RPH3A: variants seen among roughly 807,000 people sequenced by gnomAD.
The protein encoded by RPH3A is rabphilin 3A.
RPH3A carries 48 observed loss-of-function variants against 102.2 expected under a neutral mutation model. The ratio of observed to expected loss-of-function variants is 0.47; its 90% CI spans 0.37 to 0.60. RPH3A has a LOEUF of 0.60. RPH3A is among the 20% of genes least tolerant of loss of function. The pLI is 0.00. For synonymous variants in RPH3A, 310 were observed against 324.3 expected (o/e 0.96, Z 0.47); for missense variants, 781 against 910.1 (o/e 0.86, Z 1.83).
chr12:112,714,834 A>C (rs1243248915), intron 1 of RPH3A, among the ~76,000 whole-genome samples: 1 of 152,222 alleles, frequency 6.6e-6, no homozygotes, highest in Admixed American at 6.5e-5. Flanking sequence ...AATGGAATGC[A>C]TGCTGCATAT....
At chr12:112,788,890 G>A (rs2041068558), upstream of RPH3A, among the ~76,000 whole-genome samples, 1 of 152,162 alleles carries the variant, frequency 6.6e-6, no homozygotes, top group African/African-American at 2.4e-5. Flanking sequence ...CAGGTGTGGT[G>A]GCTCACACCT....
intron 1 of RPH3A, among the ~76,000 whole-genome samples, chr12:112,652,130 A>G (rs542633476): frequency 1.6e-4 from 25 of 152,150 alleles, no homozygotes; most frequent in Non-Finnish European, 2.8e-4. Context: ...TGGAATTACT[A>G]GATCATGTGG....
intron 1 of RPH3A, among the ~76,000 whole-genome samples, chr12:112,711,515 T>C (rs1378819246): frequency 6.6e-6 from 1 of 152,234 alleles, no homozygotes; most frequent in African/African-American, 2.4e-5. Context: ...TGCAGTGTGT[T>C]GCATTACTTG....
chr12:112,723,514 G>A (rs1033799609), intron 1 of RPH3A, among the ~76,000 whole-genome samples: 2 of 152,162 alleles, frequency 1.3e-5, no homozygotes, highest in African/African-American at 2.4e-5. Context: ...CCTGCAACTC[G>A]ACTTTTTCTT....
At chr12:112,806,310 A>AAAAAACTATTTT (rs2041462501) in intron 2 of RPH3A, among the ~76,000 whole-genome samples, 4 of 152,260 alleles carry the variant, frequency 2.6e-5, no homozygotes, top group Admixed American at 1.3e-4. Flanking sequence ...AATGCTTAAC[A>AAAAAACTATTTT]GTGTGAAAAA....
At chr12:112,819,931 T>C (rs1209557988) in intron 2 of RPH3A, among the ~76,000 whole-genome samples, 3 of 152,246 alleles carry the variant, frequency 2.0e-5, no homozygotes, top group South Asian at 2.1e-4. Context: ...TCTTCTACTG[T>C]CCCGTTGGCC....
intron 1 of RPH3A, among the ~76,000 whole-genome samples, chr12:112,580,979 G>C (rs139034832): frequency 1.4e-4 from 22 of 152,234 alleles, no homozygotes; most frequent in African/African-American, 5.3e-4. Context: ...GCTTTGCGGG[G>C]AACATTTAAA....
At position 112,686,266 on chromosome 12, in the gene RPH3A, GT is replaced by G. The variant is rs138644262; in HGVS notation, c.-139-105873del. On this transcript the variant is annotated intron_variant, in intron 1 of 21. Coordinates refer to the RPH3A transcript ENST00000543106. ...GGTTGAAATCTGCTCAGATAATGGA[GT>G]TTTCCCCCTTCTCTATCACATGTGT... is the stretch of plus-strand genomic sequence containing the variant. Among the ~76,000 whole-genome samples, 992 of 152,222 alleles carry G rather than the reference GT, an allele frequency of 6.5e-3. 17 individuals carry two copies. Among genetic ancestry groups the G allele is most frequent in the African/African-American group, 0.023 (939 of 41,528 alleles).
intron 2 of RPH3A, among the ~76,000 whole-genome samples, chr12:112,793,772 T>G (rs1289249985): frequency 1.3e-5 from 2 of 152,028 alleles, no homozygotes; most frequent in African/African-American, 4.8e-5. Context: ...TACTAATCGA[T>G]CAGAATGGCT....
intron 2 of RPH3A, among the ~76,000 whole-genome samples, chr12:112,804,186 G>A (rs981177225): frequency 5.3e-5 from 8 of 152,206 alleles, no homozygotes; most frequent in African/African-American, 1.4e-4. Context: ...AGTTAGGAAC[G>A]AAAACCAGGT....
intron 20 of RPH3A, 98 bp downstream of exon 20, chr12:112,894,757 C>A: frequency 1.1e-6 from 1 of 890,686 alleles, no homozygotes; most frequent in East Asian, 2.6e-5. Context: ...GCCACATAGC[C>A]ATTAAATGCA....
At chr12:112,862,145 C>T (rs1382134479) in intron 5 of RPH3A, among the ~76,000 whole-genome samples, 10 of 151,948 alleles carry the variant, frequency 6.6e-5, no homozygotes, top group African/African-American at 2.2e-4. Context: ...CATAGTGAGA[C>T]CCCATCTTTC....
intron 1 of RPH3A, among the ~76,000 whole-genome samples, chr12:112,589,944 G>A (rs760110459): frequency 4.6e-5 from 7 of 152,080 alleles, no homozygotes; most frequent in Non-Finnish European, 8.8e-5. Flanking sequence ...TTATCTGGGC[G>A]TGATAGTGCA....
intron 2 of RPH3A, among the ~76,000 whole-genome samples, chr12:112,825,838 G>T (rs979233286): frequency 1.3e-5 from 2 of 152,152 alleles, no homozygotes; most frequent in African/African-American, 4.8e-5. Flanking sequence ...AGAGCTAGGA[G>T]GAAAACTAAA....
intron 2 of RPH3A, among the ~76,000 whole-genome samples, chr12:112,810,967 ATG>A (rs758194280): frequency 1.5e-4 from 17 of 113,326 alleles, no homozygotes; most frequent in South Asian, 3.5e-4. Flanking sequence ...GTGTACATAT[ATG>A]TGTGTGTGTG....
chr12:112,885,889 T>G (rs1257100932), intron 16 of RPH3A, among the ~76,000 whole-genome samples: 6 of 152,202 alleles, frequency 3.9e-5, no homozygotes, highest in African/African-American at 1.4e-4. Flanking sequence ...CCCATTGTAG[T>G]TAAATATTTT....
chr12:112,676,329 G>A (rs1313888567), intron 1 of RPH3A, among the ~76,000 whole-genome samples: 1 of 152,154 alleles, frequency 6.6e-6, no homozygotes, highest in Non-Finnish European at 1.5e-5. Flanking sequence ...ATGTCACCCA[G>A]GCTGTGTGCT....
intron 1 of RPH3A, among the ~76,000 whole-genome samples, chr12:112,595,211 G>C (rs2039508818): frequency 1.3e-5 from 2 of 152,124 alleles, no homozygotes; most frequent in Admixed American, 1.3e-4. Context: ...TCATGAAAAA[G>C]CTCTCAGAAT....
rs11066438 is a variant in RPH3A, at chr12:112,868,928, C to T, written c.610+333C>T. ...TCACACTGGAGCCTGGGAGAATACT[C>T]GGCTTGCTGAGAAGGCCTTCCTGGA... On this transcript the variant is annotated intron_variant, in intron 8 of 21. Coordinates refer to ENST00000389385, the MANE Select transcript of RPH3A (RefSeq NM_001143854.2). 2.3e-3 allele frequency: 511 copies of T among 225,052 alleles called. 3 individuals carry two copies. The highest frequency in any genetic ancestry group is 0.01 in the African/African-American group (464 of 44,434). The allele number at this position is 225,052 out of a possible 1,614,324, so 13.9% of individuals were successfully genotyped here.
Sources: gnomAD v4.1 joint callset for allele counts (sites outside exome capture counted in the v4.1 genomes callset) on GRCh38, gnomAD v4.1.1 for gene constraint, MANE v1.5 for transcripts, NCBI Gene and HGNC (gene_info 2026-07-23, HGNC 2026-07-21) for gene names.